Variants in BCL2 observed in about 807,000 individuals in gnomAD.
The protein encoded by BCL2 is BCL2 apoptosis regulator, also known as apoptosis regulator Bcl-2.
A neutral mutation model predicts 14.2 loss-of-function variants in BCL2; 1 was observed. The observed-to-expected ratio is 0.07, with a 90% confidence interval of 0.02 to 0.33. The LOEUF (loss-of-function observed/expected upper bound fraction) is 0.33, where lower values mean the gene tolerates loss of function less well. BCL2 is among the 10% of genes least tolerant of loss of function. The probability of loss-of-function intolerance (pLI) is 0.99; values close to 1 mark genes in which losing one functional copy is unlikely to be tolerated. For synonymous variants in BCL2, 151 were observed against 137.2 expected (o/e 1.10, Z -0.70); for missense variants, 247 against 305.9 (o/e 0.81, Z 1.44).
intron 2 of BCL2, among the ~76,000 whole-genome samples, chr18:63,228,500 ATT>A (rs1269897756): frequency 3.4e-5 from 5 of 148,004 alleles, no homozygotes; most frequent in Admixed American, 1.4e-4. Context: ...CAAATTATAT[ATT>A]TTGTTTGTTT....
intron 2 of BCL2, among the ~76,000 whole-genome samples, chr18:63,257,097 T>C (rs928905167): frequency 7.2e-5 from 11 of 152,246 alleles, no homozygotes; most frequent in African/African-American, 2.7e-4. Flanking sequence ...TAATAGCTGA[T>C]TTATTAATAT....
At chr18:63,209,939 G>C (rs1279579239) in intron 2 of BCL2, among the ~76,000 whole-genome samples, 1 of 152,116 alleles carries the variant, frequency 6.6e-6, no homozygotes, top group African/African-American at 2.4e-5. Context: ...AAATGTTATG[G>C]CTCCAGACAC....
At chr18:63,188,999 G>GTT (rs36046351) in intron 2 of BCL2, among the ~76,000 whole-genome samples, 11,547 of 139,802 alleles carry the variant, frequency 0.083, 678 homozygotes, top group Middle Eastern at 0.15. Context: ...TTTTCCCCAA[G>GTT]TTTTTTTTTT....
intron 2 of BCL2, among the ~76,000 whole-genome samples, chr18:63,250,938 G>A (rs978928318): frequency 3.9e-5 from 6 of 152,148 alleles, no homozygotes; most frequent in Non-Finnish European, 7.4e-5. Context: ...ATTGGTGGGT[G>A]GGGACATTTT....
Position 63,169,414 on chromosome 18 carries a change from TCTCTCTCTCTC to T in BCL2, c.586-40666_586-40656del, listed in dbSNP as rs1568222864. 4.9e-3 allele frequency among the ~76,000 whole-genome samples: 666 copies of T among 135,752 alleles called. 40 individuals carry two copies. Among genetic ancestry groups the T allele is most frequent in the African/African-American group, 9.6e-3 (310 of 32,130 alleles). The allele number at this position is 135,752 out of a possible 152,430, so 89.1% of individuals were successfully genotyped here. A position where few individuals can be genotyped will look rare whatever the true frequency, so the allele number is the denominator to read the frequency against. On this transcript the variant is annotated intron_variant, in intron 2 of 2. Transcript: ENST00000333681. ...TTTTCTTTCTTTCTTTTTCTTTCTC[TCTCTCTCTCTC>T]TCTTTCTTTTTCTTTCTTTCCTTTC...
chr18:63,165,773 T>C (rs1247286986), intron 2 of BCL2, among the ~76,000 whole-genome samples: 2 of 151,466 alleles, frequency 1.3e-5, no homozygotes, highest in Non-Finnish European at 2.9e-5. Flanking sequence ...TCAAGGACCT[T>C]AGGATCTAGA....
intron 2 of BCL2, among the ~76,000 whole-genome samples, chr18:63,162,104 A>G (rs1479584543): frequency 1.3e-5 from 2 of 152,234 alleles, no homozygotes; most frequent in African/African-American, 4.8e-5. Flanking sequence ...CTCCGCACTC[A>G]AATCTGGAAT....
chr18:63,206,255 C>T (rs1248694854), intron 2 of BCL2, among the ~76,000 whole-genome samples: 5 of 152,200 alleles, frequency 3.3e-5, no homozygotes, highest in Admixed American at 2.0e-4. Flanking sequence ...CAGATTCACA[C>T]GCAGACGATA....
intron 2 of BCL2, among the ~76,000 whole-genome samples, chr18:63,247,636 A>G (rs989620718): frequency 2.6e-5 from 4 of 152,150 alleles, no homozygotes; most frequent in African/African-American, 9.7e-5. Context: ...AGGGAGAAGG[A>G]GTTCCCTGTT....
rs369366933 is a variant in BCL2 at position 63,280,909 on chromosome 18, A to G, written c.585+37173T>C. Reference sequence around the variant, plus strand: ...TACCGTTCATAGCAGCATTATTCACATTAGTCCAAAAGGGGAAGCAGCTCA... The same window carrying G: ...TACCGTTCATAGCAGCATTATTCACGTTAGTCCAAAAGGGGAAGCAGCTCA... On this transcript the variant is annotated intron_variant, in intron 2 of 2. Coordinates refer to ENST00000333681, the MANE Select transcript of BCL2 (RefSeq NM_000633.3). Among the ~76,000 whole-genome samples, 8 of 152,348 alleles carry G rather than the reference A, an allele frequency of 5.3e-5. 1 individual carries two copies. The East Asian group carries it at 1.5e-3, about 29-fold the overall frequency.
intron 2 of BCL2, among the ~76,000 whole-genome samples, chr18:63,225,087 T>C (rs1160372763): frequency 1.3e-5 from 2 of 151,814 alleles, no homozygotes; most frequent in Non-Finnish European, 2.9e-5. Flanking sequence ...TGATCAGCTT[T>C]GTGGAAAAAG....
In BCL2 at chr18:63,305,682, T is replaced by C. The variant is rs1779642365; in HGVS notation, c.585+12400A>G. Among the ~76,000 whole-genome samples, 4 of 152,194 alleles carry C rather than the reference T, an allele frequency of 2.6e-5. No homozygotes were observed. The South Asian group carries it at 8.3e-4, about 31-fold the overall frequency. On this transcript the variant is annotated intron_variant, in intron 2 of 2. Coordinates refer to ENST00000333681, the MANE Select transcript of BCL2 (RefSeq NM_000633.3). Reference sequence around the variant, plus strand: ...AATTCTTTCCTCAAATATACTTTTATTAACTGATAGTTAATAAAGATTTAT... The same window carrying C: ...AATTCTTTCCTCAAATATACTTTTACTAACTGATAGTTAATAAAGATTTAT...
chr18:63,286,807 G>A (rs1383786839), intron 2 of BCL2, among the ~76,000 whole-genome samples: 1 of 152,114 alleles, frequency 6.6e-6, no homozygotes, highest in East Asian at 1.9e-4. Flanking sequence ...GTCCTATCTT[G>A]CTACCCCATG....
intron 2 of BCL2, among the ~76,000 whole-genome samples, chr18:63,272,328 C>T (rs1028554784): frequency 3.9e-5 from 6 of 152,168 alleles, no homozygotes; most frequent in African/African-American, 1.4e-4. Context: ...AGACACTGGC[C>T]ATTACAGGAG....
chr18:63,273,492 C>A (rs1599283358), intron 2 of BCL2, among the ~76,000 whole-genome samples: 1 of 152,188 alleles, frequency 6.6e-6, no homozygotes, highest in East Asian at 1.9e-4. Flanking sequence ...TAAAGGCAAA[C>A]CAAAGTAAAC....
chr18:63,247,366 T>C (rs1911180259), intron 2 of BCL2, among the ~76,000 whole-genome samples: 1 of 151,710 alleles, frequency 6.6e-6, no homozygotes, highest in Admixed American at 6.6e-5. Flanking sequence ...CCCCAGCTAA[T>C]TTTGTATTTT....
At chr18:63,256,370 C>T (rs1414213276) in intron 2 of BCL2, among the ~76,000 whole-genome samples, 2 of 152,176 alleles carry the variant, frequency 1.3e-5, no homozygotes, top group Non-Finnish European at 2.9e-5. Context: ...GTGTGCACCA[C>T]CACACCCAGC....
At chr18:63,169,306 TTC>T (rs1491412365) in intron 2 of BCL2, among the ~76,000 whole-genome samples, 9 of 72,052 alleles carry the variant, frequency 1.2e-4, no homozygotes, top group Non-Finnish European at 1.7e-4. Context: ...CTTTCTTTCT[TTC>T]TTCCTTCCTT....
chr18:63,220,876 G>C (rs556713580), intron 2 of BCL2, among the ~76,000 whole-genome samples: 2 of 151,706 alleles, frequency 1.3e-5, no homozygotes, highest in East Asian at 3.8e-4. Flanking sequence ...AAACAAACTG[G>C]CACAGCAATA....
Sources: gnomAD v4.1 joint callset for allele counts (sites outside exome capture counted in the v4.1 genomes callset) on GRCh38, gnomAD v4.1.1 for gene constraint, MANE v1.5 for transcripts, NCBI Gene and HGNC (gene_info 2026-07-23, HGNC 2026-07-21) for gene names.